Variants in AKAP1 observed in about 807,000 individuals in gnomAD.
AKAP1 encodes A-kinase anchor protein 1, mitochondrial.
AKAP1 carries 32 observed loss-of-function variants against 79.8 expected under a neutral mutation model. That is an observed-to-expected ratio of 0.40 (90% CI 0.30 to 0.54). AKAP1 has a LOEUF of 0.54. Among genes scored for constraint, AKAP1 ranks in the 20% least tolerant of loss-of-function variants. The probability of loss-of-function intolerance (pLI) is 0.47; values close to 1 mark genes in which losing one functional copy is unlikely to be tolerated. For synonymous variants in AKAP1, 416 were observed against 466.7 expected (o/e 0.89, Z 1.40); for missense variants, 961 against 1,138.9 (o/e 0.84, Z 2.25).
chr17:57,110,726 ATAT>A (rs1567911373), intron 3 of AKAP1, among the ~76,000 whole-genome samples: 1 of 152,232 alleles, frequency 6.6e-6, no homozygotes, highest in Admixed American at 6.5e-5. Flanking sequence ...AATACTTTAA[ATAT>A]TTAACAATTT....
At chr17:57,090,325 T>TTCTAA (rs10647360) in intron 1 of AKAP1, among the ~76,000 whole-genome samples, 10,009 of 151,152 alleles carry the variant, frequency 0.066, 976 homozygotes, top group African/African-American at 0.21. Context: ...CTTTTTTTTT[T>TTCTAA]CTGTGTCATT....
At position 57,116,431 on chromosome 17, in the gene AKAP1, C is replaced by T. The variant is rs186114479; in HGVS notation, c.2432+170C>T. 3.1e-4 allele frequency among the ~76,000 whole-genome samples: 47 copies of T among 152,254 alleles called. 1 individual carries two copies. In the East Asian group the frequency reaches 6.6e-3, roughly 21 times the overall value. On this transcript the variant is annotated intron_variant, in intron 7 of 10. Coordinates refer to ENST00000337714, the MANE Select transcript of AKAP1 (RefSeq NM_003488.4). ...GAAACAAACTCGATTACTCGCTTAGCCAAACTGAGCTAGAAGGCCTGTATT... is the reference window on the plus strand; with the variant it reads ...GAAACAAACTCGATTACTCGCTTAGTCAAACTGAGCTAGAAGGCCTGTATT...
intron 1 of AKAP1, among the ~76,000 whole-genome samples, chr17:57,090,017 C>T (rs1913686095): frequency 6.6e-6 from 1 of 152,236 alleles, no homozygotes; most frequent in South Asian, 2.1e-4. Context: ...CAGTGCGGCC[C>T]TTCTCTTAAA....
chr17:57,087,243 T>C (rs370959777), intron 1 of AKAP1, among the ~76,000 whole-genome samples: 1 of 152,172 alleles, frequency 6.6e-6, no homozygotes, highest in Non-Finnish European at 1.5e-5. Flanking sequence ...TCCTAGCCAA[T>C]GAGTGAGACA....
intron 1 of AKAP1, among the ~76,000 whole-genome samples, chr17:57,090,732 A>C (rs2075366027): frequency 6.6e-6 from 1 of 152,194 alleles, no homozygotes; most frequent in Non-Finnish European, 1.5e-5. Flanking sequence ...GTCTTTCCAA[A>C]GCCATATTTT....
intron 6 of AKAP1, among the ~76,000 whole-genome samples, chr17:57,115,571 G>C (rs1915530858): frequency 2.0e-5 from 3 of 152,142 alleles, no homozygotes; most frequent in Admixed American, 2.0e-4. Context: ...TTGATCCTGG[G>C]TGGCTGCCCA....
At chr17:57,103,870 G>T (rs987172888) in intron 1 of AKAP1, among the ~76,000 whole-genome samples, 1 of 152,150 alleles carries the variant, frequency 6.6e-6, no homozygotes, top group Non-Finnish European at 1.5e-5. Context: ...CCATCTTACA[G>T]ATGAGGAAAA....
chr17:57,115,783 A>G (rs924978395), intron 6 of AKAP1, among the ~76,000 whole-genome samples: 5 of 152,028 alleles, frequency 3.3e-5, no homozygotes, highest in Admixed American at 1.3e-4. Context: ...CCCGAGTGCT[A>G]TATTTACTTG....
In AKAP1 at chr17:57,106,576, T is replaced by C. The variant is rs764071469; in HGVS notation, c.1112T>C (p.Val371Ala). ...GTGCTGGCCACCACGGTTGGCAAGGTTGCAGGTCGTGTGTGTCAGGCCAGT... is the reference window on the plus strand; with the variant it reads ...GTGCTGGCCACCACGGTTGGCAAGGCTGCAGGTCGTGTGTGTCAGGCCAGT... The part of the protein sequence containing the change: ...EQVLATTVGK[V>A]AGRVCQASQL... The change falls in exon 2 of 11, where the codon GTT becomes GCT. Residue 371 changes from valine (V) to alanine (A), a missense_variant. By Grantham distance (64) the Val-to-Ala change is moderately conservative (BLOSUM62 0). Transcript: ENST00000337714. 1.1e-5 allele frequency: 17 copies of C among 1,614,016 alleles called. No individual in the cohort carries two copies. In the South Asian group the frequency reaches 1.8e-4, roughly 17 times the overall value.
intron 6 of AKAP1, among the ~76,000 whole-genome samples, chr17:57,115,889 C>T (rs1346464752): frequency 3.9e-5 from 6 of 152,150 alleles, no homozygotes; most frequent in Admixed American, 6.5e-5. Flanking sequence ...GCCTCGGGGG[C>T]GGCACACTTG....
At chr17:57,118,337 C>T (rs759781851) in intron 8 of AKAP1, 44 bp from the exon 9 acceptor site, 27 of 1,588,380 alleles carry the variant, frequency 1.7e-5, no homozygotes, top group Non-Finnish European at 2.2e-5. Context: ...GGGTGCCTTG[C>T]CTCAGTGAGA....
In AKAP1 at chr17:57,105,835, G is replaced by T. The variant is rs150162032; in HGVS notation, c.371G>T (p.Arg124Leu). 7.2e-4 allele frequency: 1,164 copies of T among 1,614,088 alleles called. 1 individual carries two copies. Among genetic ancestry groups the T allele is most frequent in the Non-Finnish European group, 9.4e-4 (1,107 of 1,180,056 alleles). Residue 124 changes from arginine (R) to leucine (L), a missense_variant, in exon 2 of 11, where the codon CGC becomes CTC. Arg to Leu is a moderately radical substitution (Grantham distance 102). Around this residue, in one of 3 missense-constraint regions of AKAP1, gnomAD observed 224 missense variants for 210.2 expected, o/e 1.07. Transcript: ENST00000337714. The part of the protein sequence containing the change: ...TTDMRLRPGT[R>L]RDDSTKLELA... ...GACATGAGATTGCGACCAGGAACAC[G>T]CAGAGATGACAGTACAAAGCTGGAG...
intron 8 of AKAP1, among the ~76,000 whole-genome samples, 156 bp from the exon 9 acceptor site, chr17:57,118,225 C>T (rs1396081253): frequency 6.6e-6 from 1 of 152,144 alleles, no homozygotes; most frequent in African/African-American, 2.4e-5. Flanking sequence ...GAGGCCTAGG[C>T]TCTGTCTCTG....
At chr17:57,112,641 C>T (rs903953322) in intron 5 of AKAP1, 23 bp downstream of exon 5, 32 of 1,581,956 alleles carry the variant, frequency 2.0e-5, no homozygotes, top group Admixed American at 5.5e-5. Flanking sequence ...CTGGGTGATC[C>T]GGACTTCTTG....
At position 57,121,153 on chromosome 17, in the gene AKAP1, C is replaced by A. The variant is rs2144807013; in HGVS notation, c.*829C>A. On this transcript the variant is annotated 3_prime_UTR_variant, in exon 11 of 11. Transcript: ENST00000337714. ...GCCAGGGCCCCTGTGGCTTCCTGCA[C>A]ACTGGACAGGTGACTGTATGGTAGA... 1 of 152,130 alleles carries A rather than the reference C, an allele frequency of 6.6e-6. No individual in the cohort carries two copies. The highest frequency in any genetic ancestry group is 2.1e-4 in the South Asian group (1 of 4,818). 9.4% of individuals were successfully genotyped at this position (152,130 alleles called of 1,614,324 possible).
At position 57,086,121 on chromosome 17, in the gene AKAP1, CTGCAGGCGTGTCCGGAGGGG is replaced by C. The variant is rs1913432861; in HGVS notation, c.-25+726_-25+745del. On this transcript the variant is annotated intron_variant, in intron 1 of 10. Transcript: ENST00000337714. This position sits in a 1 kb window ranked among gnomAD's most constrained non-coding sequence, Gnocchi z 5.1. ...CGGGGGGAATTTGCATTCGTAGCCC[CTGCAGGCGTGTCCGGAGGGG>C]TGGAGGCCGTCCAGCCTGGGGTGTC... is the stretch of plus-strand genomic sequence containing the variant. 3.5e-6 allele frequency: 1 copy of C among 287,602 alleles called. No individual in the cohort carries two copies. Among genetic ancestry groups the C allele is most frequent in the South Asian group, 2.6e-5 (1 of 38,278 alleles). 17.8% of individuals were successfully genotyped at this position (287,602 alleles called of 1,614,324 possible). A position where few individuals can be genotyped will look rare whatever the true frequency, so the allele number is the denominator to read the frequency against.
At chr17:57,096,352 T>G (rs1914112208) in intron 1 of AKAP1, 1 of 152,240 alleles carries the variant, frequency 6.6e-6, no homozygotes, top group Admixed American at 6.5e-5. Flanking sequence ...CTTCTGGCCT[T>G]CCTTCTGTGA....
At position 57,120,818 on chromosome 17, in the gene AKAP1, T is replaced by C. The variant is rs925740634; in HGVS notation, c.*494T>C. 4 of 153,044 alleles carry C rather than the reference T, an allele frequency of 2.6e-5. No homozygotes were observed. Among genetic ancestry groups the C allele is most frequent in the African/African-American group, 9.6e-5 (4 of 41,476 alleles). The allele number at this position is 153,044 out of a possible 1,614,324, so 9.5% of individuals were successfully genotyped here. ...ACAGCTTACATAAATGAGTTGATGA[T>C]ATTTAACCAGTTTTTATAAACTTCA... On this transcript the variant is annotated 3_prime_UTR_variant, in exon 11 of 11. Transcript: ENST00000337714.
In AKAP1 at chr17:57,086,916, A is replaced by G. The variant is rs1213144624; in HGVS notation, c.-25+1518A>G. Among the ~76,000 whole-genome samples the G allele has an allele frequency of 1.3e-5, 2 of 152,112 alleles. No homozygotes were observed. Among genetic ancestry groups the G allele is most frequent in the Non-Finnish European group, 2.9e-5 (2 of 68,032 alleles). On this transcript the variant is annotated intron_variant, in intron 1 of 10. Coordinates refer to ENST00000337714, the MANE Select transcript of AKAP1 (RefSeq NM_003488.4). This position sits in a 1 kb window ranked among gnomAD's most constrained non-coding sequence, Gnocchi z 5.1. Reference sequence around the variant, plus strand: ...ATGAAGAAGGCTGCCTGACTTGATCATTTATATAATTCCTCTGATCTTGGC... The same window carrying G: ...ATGAAGAAGGCTGCCTGACTTGATCGTTTATATAATTCCTCTGATCTTGGC...
Sources: allele counts gnomAD v4.1 joint callset (sites outside exome capture counted in the v4.1 genomes callset), GRCh38; gene constraint gnomAD v4.1.1; regional missense constraint gnomAD v4.1.1; non-coding constraint Gnocchi (gnomAD v3.1); transcripts MANE v1.5; gene names NCBI Gene and HGNC (gene_info 2026-07-23, HGNC 2026-07-21).